Variants in CRMP1 observed in about 807,000 individuals in gnomAD.
The protein encoded by CRMP1 is dihydropyrimidinase-related protein 1.
In CRMP1, 19 loss-of-function variants were observed where a neutral mutation model predicts 68.3. That is an observed-to-expected ratio of 0.28 (90% CI 0.19 to 0.41). The LOEUF is 0.41. CRMP1 is among the 10% of genes least tolerant of loss of function. The probability of loss-of-function intolerance (pLI) is 1.00; values close to 1 mark genes in which losing one functional copy is unlikely to be tolerated. For synonymous variants in CRMP1, 439 were observed against 399.6 expected (o/e 1.10, Z -1.18); for missense variants, 791 against 967.4 (o/e 0.82, Z 2.42).
Position 5,861,080 on chromosome 4 carries a change from C to T in CRMP1, c.601G>A (p.Asp201Asn). ...GCCCTGGTCCCTTGGAAGAAGTCAT[C>T]AGCCGCAGTCATCCCCTGGGAGGGC... is the stretch of plus-strand genomic sequence containing the variant. ...QKPSQGMTAADDFFQGTRAAL... is the reference protein window; with the variant it reads ...QKPSQGMTAANDFFQGTRAAL... The change falls in exon 3 of 14, where the codon GAT becomes AAT. Residue 201 changes from aspartate to asparagine, a missense_variant. Asp to Asn is a conservative substitution (Grantham distance 23). Coordinates refer to ENST00000324989, the MANE Select transcript of CRMP1 (RefSeq NM_001014809.3). The surrounding 1 kb of genome is among the most constrained non-coding windows in gnomAD (Gnocchi z 6.0). 6.2e-7 allele frequency: 1 copy of T among 1,614,206 alleles called. No homozygotes were observed. The highest frequency in any genetic ancestry group is 1.3e-5 in the African/African-American group (1 of 75,050).
At chr4:5,836,109 G>A (rs1388012823) in intron 10 of CRMP1, 24 bp from the exon 11 acceptor site, 3 of 1,441,044 alleles carry the variant, frequency 2.1e-6, no homozygotes, top group African/African-American at 1.5e-5. Flanking sequence ...CCACAGATGA[G>A]AAGAGCATCT....
In CRMP1 at chr4:5,837,678, T is replaced by TA. The variant is rs142096286; in HGVS notation, c.1311-773dup. 4.0e-3 allele frequency among the ~76,000 whole-genome samples: 500 copies of TA among 126,190 alleles called. 6 individuals carry two copies. Among genetic ancestry groups the TA allele is most frequent in the African/African-American group, 0.014 (393 of 28,822 alleles). 82.8% of individuals were successfully genotyped at this position (126,190 alleles called of 152,430 possible). A position where few individuals can be genotyped will look rare whatever the true frequency, so the allele number is the denominator to read the frequency against. On this transcript the variant is annotated intron_variant, in intron 9 of 13. Coordinates refer to ENST00000324989, the MANE Select transcript of CRMP1 (RefSeq NM_001014809.3). ...TAAAATAAAATAAAATAAAATAAAA[T>TA]AAATAAAATAAAATAAAATAAAAAA... is the stretch of plus-strand genomic sequence containing the variant.
chr4:5,822,213 CT>C (rs1178335800), intron 13 of CRMP1, among the ~76,000 whole-genome samples: 1 of 152,226 alleles, frequency 6.6e-6, no homozygotes. Flanking sequence ...CACAATCATA[CT>C]ATGAAGGGGG....
At position 5,850,139 on chromosome 4, in the gene CRMP1, C is replaced by A. The variant is rs1712512451; in HGVS notation, c.883-667G>T. 6.6e-6 allele frequency among the ~76,000 whole-genome samples: 1 copy of A among 152,224 alleles called. No homozygotes were observed. Among genetic ancestry groups the A allele is most frequent in the Non-Finnish European group, 1.5e-5 (1 of 68,038 alleles). ...AAGGGCCAAAGCCACGAAGCTCCCT[C>A]TCCAGGGACACTTGAACCTCAACTT... On this transcript the variant is annotated intron_variant, in intron 5 of 13. Coordinates refer to ENST00000324989, the MANE Select transcript of CRMP1 (RefSeq NM_001014809.3). The surrounding 1 kb of genome is among the most constrained non-coding windows in gnomAD (Gnocchi z 4.4).
rs1274297661 is a variant in CRMP1 at position 5,841,654 on chromosome 4, G to C, written c.1033-226C>G. 2.6e-5 allele frequency among the ~76,000 whole-genome samples: 4 copies of C among 152,190 alleles called. No individual in the cohort carries two copies. Among genetic ancestry groups the C allele is most frequent in the Non-Finnish European group, 4.4e-5 (3 of 68,038 alleles). ...CATCCAAGCGCTATACAAGTTTATA[G>C]CACTGCCTCCCAGTTCTGTCCTGAC... On this transcript the variant is annotated intron_variant, in intron 7 of 13. Coordinates refer to ENST00000324989, the MANE Select transcript of CRMP1 (RefSeq NM_001014809.3). The surrounding 1 kb of genome is among the most constrained non-coding windows in gnomAD (Gnocchi z 6.9).
Position 5,837,591 on chromosome 4 carries a change from G to A in CRMP1, c.1311-685C>T, listed in dbSNP as rs1351729968. On this transcript the variant is annotated intron_variant, in intron 9 of 13. Transcript: ENST00000324989. Reference sequence around the variant, plus strand: ...TGCAGTGAACCGAGATTGCACCATTGCACTCCAGCCTGGGCGACAAGAGCA... The same window carrying A: ...TGCAGTGAACCGAGATTGCACCATTACACTCCAGCCTGGGCGACAAGAGCA... 2.7e-5 allele frequency among the ~76,000 whole-genome samples: 4 copies of A among 149,534 alleles called. No homozygotes were observed. In the East Asian group the frequency reaches 7.8e-4, roughly 29 times the overall value.
chr4:5,828,697 C>T, intron 11 of CRMP1, 29 bp from the exon 12 acceptor site: 3 of 1,606,994 alleles, frequency 1.9e-6, no homozygotes, highest in Non-Finnish European at 2.6e-6. Context: ...TGTTACTTCC[C>T]AGGATTTGCT....
chr4:5,821,875 C>A lies in CRMP1; in HGVS notation c.1970-24G>T. 1 of 1,582,822 alleles carries A rather than the reference C, an allele frequency of 6.3e-7. No homozygotes were observed. The highest frequency in any genetic ancestry group is 8.6e-7 in the Non-Finnish European group (1 of 1,165,854). Reference sequence around the variant, plus strand: ...ACCTGAAAGAGAGCGCCAATCGCTGCTGGATGGGATCTGTTAGCATCAGTT... The same window carrying A: ...ACCTGAAAGAGAGCGCCAATCGCTGATGGATGGGATCTGTTAGCATCAGTT... On this transcript the variant is annotated intron_variant, in intron 13 of 13. Transcript: ENST00000324989. The surrounding 1 kb of genome is among the most constrained non-coding windows in gnomAD (Gnocchi z 4.4).
chr4:5,821,700 G>A lies in CRMP1; in HGVS notation c.*60C>T. On this transcript the variant is annotated 3_prime_UTR_variant, in exon 14 of 14. Coordinates refer to ENST00000324989, the MANE Select transcript of CRMP1 (RefSeq NM_001014809.3). The surrounding 1 kb of genome is among the most constrained non-coding windows in gnomAD (Gnocchi z 4.4). ...ACTGTGGGTTTCAAAAACACTGACA[G>A]GAAAAGGGATGGACATGATTCCCAG... 1 of 1,487,522 alleles carries A rather than the reference G, an allele frequency of 6.7e-7. No individual in the cohort carries two copies. Among genetic ancestry groups the A allele is most frequent in the South Asian group, 1.2e-5 (1 of 81,840 alleles). 92.1% of individuals were successfully genotyped at this position (1,487,522 alleles called of 1,614,324 possible).
intron 11 of CRMP1, among the ~76,000 whole-genome samples, chr4:5,830,933 T>C (rs972005114): frequency 1.3e-5 from 2 of 152,192 alleles, no homozygotes; most frequent in African/African-American, 2.4e-5. Context: ...CCTGAATTTA[T>C]GTAAGTCTTT....
chr4:5,854,594 G>C lies in CRMP1; in HGVS notation c.820+1549C>G, dbSNP rs1219726929. ...AAACAGACATATGAAAATGCAAATTGAAGAGTGGGCAAATAATACAATCAG... is the reference window on the plus strand; with the variant it reads ...AAACAGACATATGAAAATGCAAATTCAAGAGTGGGCAAATAATACAATCAG... On this transcript the variant is annotated intron_variant, in intron 4 of 13. Coordinates refer to ENST00000324989, the MANE Select transcript of CRMP1 (RefSeq NM_001014809.3). The surrounding 1 kb of genome is among the most constrained non-coding windows in gnomAD (Gnocchi z 4.0). Among the ~76,000 whole-genome samples the C allele has an allele frequency of 6.6e-6, 1 of 152,034 alleles. No individual in the cohort carries two copies. The highest frequency in any genetic ancestry group is 1.9e-4 in the East Asian group (1 of 5,184).
rs1041117770 is a variant in CRMP1 at position 5,891,430 on chromosome 4, G to C, written c.381+1159C>G. 6.6e-6 allele frequency among the ~76,000 whole-genome samples: 1 copy of C among 152,202 alleles called. No individual in the cohort carries two copies. Among genetic ancestry groups the C allele is most frequent in the Admixed American group, 6.5e-5 (1 of 15,282 alleles). On this transcript the variant is annotated intron_variant, in intron 1 of 13. Coordinates refer to ENST00000324989, the MANE Select transcript of CRMP1 (RefSeq NM_001014809.3). This position sits in a 1 kb window ranked among gnomAD's most constrained non-coding sequence, Gnocchi z 5.2. ...ACTTTGGGTCACTCATAGCATTTAA[G>C]AGGGGAAGGTTTAATTAAAATGATA...
intron 1 of CRMP1, among the ~76,000 whole-genome samples, chr4:5,880,116 G>A (rs2152474212): frequency 6.6e-6 from 1 of 152,254 alleles, no homozygotes; most frequent in East Asian, 1.9e-4. Flanking sequence ...TCCAACAACA[G>A]AGCTGTACAA....
intron 13 of CRMP1, among the ~76,000 whole-genome samples, chr4:5,822,998 T>G (rs1337539473): frequency 2.0e-5 from 3 of 152,204 alleles, no homozygotes; most frequent in African/African-American, 7.2e-5. Context: ...TCATACTTTT[T>G]CTAATACATC....
In CRMP1 at chr4:5,820,825, A is replaced by T. The variant is rs1718407493; in HGVS notation, c.*935T>A. On this transcript the variant is annotated 3_prime_UTR_variant, in exon 14 of 14. Coordinates refer to ENST00000324989, the MANE Select transcript of CRMP1 (RefSeq NM_001014809.3). ...TTCTTTATTTTTTCACAAGCTTTGA[A>T]TTCAGAAATAAGAGCCACAACAAGT... is the stretch of plus-strand genomic sequence containing the variant. 6.6e-6 allele frequency: 1 copy of T among 152,186 alleles called. No homozygotes were observed. The highest frequency in any genetic ancestry group is 2.1e-4 in the South Asian group (1 of 4,828). 9.4% of individuals were successfully genotyped at this position (152,186 alleles called of 1,614,324 possible).
intron 1 of CRMP1, among the ~76,000 whole-genome samples, chr4:5,886,638 C>A (rs1029849641): frequency 6.6e-6 from 1 of 152,234 alleles, no homozygotes; most frequent in Non-Finnish European, 1.5e-5. Flanking sequence ...CTGAGAGCAG[C>A]AGAGACCTTC....
In CRMP1 at chr4:5,851,420, C is replaced by T. The variant is rs755662444; in HGVS notation, c.870G>A (p.Met290Ile). The change falls in exon 5 of 14, where the codon ATG becomes ATA. Residue 290 changes from methionine to isoleucine, a missense_variant. Met to Ile is a conservative substitution (Grantham distance 10). Coordinates refer to ENST00000324989, the MANE Select transcript of CRMP1 (RefSeq NM_001014809.3). ...VYMAYKDVYQ[M>I]SDSQLYEAFT... is the part of the protein sequence containing the mutation. ...GTGAGGGACCTACCTGGCTGTCGGA[C>T]ATTTGGTAGACATCCTTATAGGCCA... is the stretch of plus-strand genomic sequence containing the variant. The T allele has an allele frequency of 1.2e-6, 2 of 1,614,182 alleles. No individual in the cohort carries two copies. The highest frequency in any genetic ancestry group is 2.2e-5 in the East Asian group (1 of 44,878).
rs1560522213 is a variant in CRMP1 at position 5,883,258 on chromosome 4, T to TCCTTCCTC, written c.381+9330_381+9331insGAGGAAGG. On this transcript the variant is annotated intron_variant, in intron 1 of 13. Transcript: ENST00000324989. This position sits in a 1 kb window ranked among gnomAD's most constrained non-coding sequence, Gnocchi z 4.5. ...TTCCTTCCTTCCTTCCTTCCTTCCT[T>TCCTTCCTC]CCTCCCTCCCTCCCTCCCTTCCTGT... is the stretch of plus-strand genomic sequence containing the variant. Among the ~76,000 whole-genome samples, 2 of 151,566 alleles carry TCCTTCCTC rather than the reference T, an allele frequency of 1.3e-5. No homozygotes were observed. The highest frequency in any genetic ancestry group is 1.9e-4 in the East Asian group (1 of 5,154).
rs376111966 is a variant in CRMP1, at chr4:5,856,336, CT to C, written c.656-30del. On this transcript the variant is annotated intron_variant, in intron 3 of 13. Coordinates refer to ENST00000324989, the MANE Select transcript of CRMP1 (RefSeq NM_001014809.3). ...GGACAGAGAAATATGCATCATGATGCTTCAGACTCAAGTGTTCCAATGGTAG... is the reference window on the plus strand; with the variant it reads ...GGACAGAGAAATATGCATCATGATGCTCAGACTCAAGTGTTCCAATGGTAG... 3.7e-4 allele frequency: 603 copies of C among 1,608,180 alleles called. 1 individual carries two copies. In the African/African-American group the frequency reaches 7.1e-3, roughly 19 times the overall value.
Sources: allele counts gnomAD v4.1 joint callset (sites outside exome capture counted in the v4.1 genomes callset), GRCh38; gene constraint gnomAD v4.1.1; non-coding constraint Gnocchi (gnomAD v3.1); transcripts MANE v1.5; gene names NCBI Gene and HGNC (gene_info 2026-07-23, HGNC 2026-07-21).